CSMD1: variants seen among roughly 807,000 people sequenced by gnomAD.
CSMD1 encodes CUB and sushi domain-containing protein 1.
CSMD1 carries 213 observed loss-of-function variants against 417.5 expected under a neutral mutation model. The observed-to-expected ratio is 0.51, with a 90% CI of 0.46 to 0.57. The LOEUF (loss-of-function observed/expected upper bound fraction) is 0.57, where lower values mean the gene tolerates loss of function less well. CSMD1 is among the 20% of genes least tolerant of loss of function. CSMD1 has a pLI of 0.00. For missense variants in CSMD1, 6,923 were observed against 4,529.7 expected, an observed-to-expected ratio of 1.53 and a Z score of -15.17; for synonymous variants, 2,862 against 1,736.8, an observed-to-expected ratio of 1.65 and a Z score of -16.11.
At chr8:3,752,775 G>A (rs1289600587) in intron 6 of CSMD1, among the ~76,000 whole-genome samples, 1 of 151,578 alleles carries the variant, frequency 6.6e-6, no homozygotes, top group Non-Finnish European at 1.5e-5. Context: ...TGTGCCCCAG[G>A]GACTGGGTGG....
intron 1 of CSMD1, among the ~76,000 whole-genome samples, chr8:4,758,944 G>A (rs1019142245): frequency 6.6e-6 from 1 of 152,188 alleles, no homozygotes; most frequent in East Asian, 1.9e-4. Flanking sequence ...AGTAGCAGAC[G>A]GTGGAGGGTT....
chr8:3,167,443 T>TTG (rs570858386), intron 37 of CSMD1, among the ~76,000 whole-genome samples: 28 of 151,434 alleles, frequency 1.8e-4, no homozygotes, highest in South Asian at 1.7e-3. Context: ...AAGGTAATTC[T>TTG]TGTGCAATCT....
intron 3 of CSMD1, among the ~76,000 whole-genome samples, chr8:4,270,833 G>C (rs1263897157): frequency 1.3e-5 from 2 of 152,126 alleles, no homozygotes; most frequent in East Asian, 1.9e-4. Context: ...CACACTCCGT[G>C]ACTTCCCCAC....
intron 1 of CSMD1, among the ~76,000 whole-genome samples, chr8:4,889,915 T>C (rs182893850): frequency 1.3e-5 from 2 of 150,574 alleles, no homozygotes; most frequent in Non-Finnish European, 2.9e-5. Flanking sequence ...ACAGAGCCAG[T>C]TTTGGAATGT....
intron 36 of CSMD1, 93 bp downstream of exon 36, chr8:3,187,776 A>C: frequency 1.1e-6 from 1 of 906,936 alleles, no homozygotes; most frequent in South Asian, 1.5e-5. Context: ...GTGTAGGAAA[A>C]TTTCTATGTG....
At chr8:4,801,978 C>G (rs141066405) in intron 1 of CSMD1, among the ~76,000 whole-genome samples, 1 of 152,276 alleles carries the variant, frequency 6.6e-6, no homozygotes, top group African/African-American at 2.4e-5. Flanking sequence ...TTACTGCATC[C>G]ATCATTGAAG....
chr8:3,578,315 T>A (rs1304249377), intron 9 of CSMD1, among the ~76,000 whole-genome samples: 1 of 151,528 alleles, frequency 6.6e-6, no homozygotes, highest in East Asian at 2.0e-4. Context: ...TGAGTGAGTG[T>A]CCTTGCTCAG....
intron 26 of CSMD1, among the ~76,000 whole-genome samples, chr8:3,273,062 G>A (rs912264555): frequency 6.6e-6 from 1 of 152,094 alleles, no homozygotes; most frequent in Non-Finnish European, 1.5e-5. Context: ...GATATTGGCT[G>A]TGGGTTTGTT....
intron 28 of CSMD1, 100 bp from the exon 29 acceptor site, chr8:3,219,542 T>C: frequency 1.1e-6 from 1 of 871,078 alleles, no homozygotes; most frequent in Non-Finnish European, 1.6e-6. Flanking sequence ...TTTGCTTTTG[T>C]ATAATGATTT....
chr8:4,619,571 A>G lies in CSMD1; in HGVS notation c.302+17771T>C, dbSNP rs911985360. Among the ~76,000 whole-genome samples, 2 of 152,072 alleles carry G rather than the reference A, an allele frequency of 1.3e-5. 1 individual carries two copies. The highest frequency in any genetic ancestry group is 1.3e-4 in the Admixed American group (2 of 15,252). ...TGCATCTTGCATTAGTGTTTTGATGATTTGCTCACCAGATACATCCAGTTA... is the reference window on the plus strand; with the variant it reads ...TGCATCTTGCATTAGTGTTTTGATGGTTTGCTCACCAGATACATCCAGTTA... On this transcript the variant is annotated intron_variant, in intron 2 of 69. Transcript: ENST00000635120.
chr8:4,458,711 T>C (rs1410883245), intron 2 of CSMD1, among the ~76,000 whole-genome samples: 2 of 152,162 alleles, frequency 1.3e-5, no homozygotes, highest in Non-Finnish European at 2.9e-5. Context: ...AGATTATTTC[T>C]TTATTAGTGG....
intron 1 of CSMD1, among the ~76,000 whole-genome samples, chr8:4,899,174 T>G (rs986936022): frequency 2.8e-4 from 42 of 152,200 alleles, no homozygotes; most frequent in African/African-American, 9.9e-4. Flanking sequence ...TCAACTGCAT[T>G]TATATGTGTG....
rs1481804839 is a variant in CSMD1, at chr8:4,321,171, C to A, written c.415+98782G>T. On this transcript the variant is annotated intron_variant, in intron 3 of 69. Transcript: ENST00000635120. The stretch of plus-strand genomic sequence containing the variant: ...CTATTTTTTATCCTGTCACCTCGCA[C>A]AGTGATCAAAGTGTAGGGTTCAACA... Among the ~76,000 whole-genome samples the A allele has an allele frequency of 2.7e-5, 4 of 148,196 alleles. No individual in the cohort carries two copies. The East Asian group carries it at 7.7e-4, about 29-fold the overall frequency.
chr8:3,535,993 C>G (rs1229431310), intron 10 of CSMD1, among the ~76,000 whole-genome samples: 1 of 152,126 alleles, frequency 6.6e-6, no homozygotes, highest in African/African-American at 2.4e-5. Flanking sequence ...AGGGACTCTC[C>G]CAGCAACTTG....
Position 4,259,539 on chromosome 8 carries a change from C to CT in CSMD1, c.415+160413dup, listed in dbSNP as rs34237961. Among the ~76,000 whole-genome samples, 38 of 149,762 alleles carry CT rather than the reference C, an allele frequency of 2.5e-4. 1 individual carries two copies. The South Asian group carries it at 3.8e-3, about 15-fold the overall frequency. ...CAAAGTTCGAGTTTTTAAAAAATGTCTTTTTTTTTTTGATTTACAAAGTAA... is the reference window on the plus strand; with the variant it reads ...CAAAGTTCGAGTTTTTAAAAAATGTCTTTTTTTTTTTTGATTTACAAAGTAA... On this transcript the variant is annotated intron_variant, in intron 3 of 69. Coordinates refer to ENST00000635120, the MANE Select transcript of CSMD1 (RefSeq NM_033225.6).
chr8:3,924,148 G>C (rs542931163), intron 5 of CSMD1, among the ~76,000 whole-genome samples: 3 of 152,300 alleles, frequency 2.0e-5, no homozygotes, highest in East Asian at 3.9e-4. Flanking sequence ...ATGAAGGACA[G>C]TTTCTCTGAG....
At chr8:4,653,495 C>G (rs1312386766) in intron 1 of CSMD1, among the ~76,000 whole-genome samples, 1 of 152,074 alleles carries the variant, frequency 6.6e-6, no homozygotes, top group Non-Finnish European at 1.5e-5. Flanking sequence ...GAAAGACTTA[C>G]AGACACCAGA....
intron 1 of CSMD1, among the ~76,000 whole-genome samples, chr8:4,704,957 C>G (rs1807826062): frequency 2.0e-5 from 3 of 152,044 alleles, no homozygotes; most frequent in African/African-American, 7.2e-5. Context: ...GGCTCTGTGT[C>G]CAAATCTAAC....
intron 5 of CSMD1, among the ~76,000 whole-genome samples, chr8:3,937,397 T>G (rs1008992981): frequency 4.6e-5 from 7 of 152,170 alleles, no homozygotes; most frequent in African/African-American, 1.7e-4. Flanking sequence ...TGTCTTATTT[T>G]AAGAAATTGC....
Sources: gnomAD v4.1 joint callset for allele counts (sites outside exome capture counted in the v4.1 genomes callset) on GRCh38, gnomAD v4.1.1 for gene constraint, MANE v1.5 for transcripts, NCBI Gene and HGNC (gene_info 2026-07-23, HGNC 2026-07-21) for gene names.